RBFOX1: variants seen among roughly 807,000 people sequenced by gnomAD.
The protein encoded by RBFOX1 is RNA binding protein fox-1 homolog 1.
A neutral mutation model predicts 57.7 loss-of-function variants in RBFOX1; 8 were observed. The observed-to-expected ratio is 0.14, with a 90% CI of 0.08 to 0.25. The LOEUF is 0.25. Among genes scored for constraint, RBFOX1 ranks in the 10% least tolerant of loss-of-function variants. The pLI, the probability that RBFOX1 is intolerant of heterozygous loss-of-function variation, is 1.00. For missense variants in RBFOX1, 611 were observed against 548.5 expected, an observed-to-expected ratio of 1.11 and a Z score of -1.14; for synonymous variants, 326 against 222.4, an observed-to-expected ratio of 1.47 and a Z score of -4.15.
At chr16:6,117,913 A>C (rs2096514583) in intron 1 of RBFOX1, among the ~76,000 whole-genome samples, 1 of 152,222 alleles carries the variant, frequency 6.6e-6, no homozygotes. Context: ...TTCTAAACAC[A>C]GTGAAAGCAG....
At chr16:5,354,902 A>T (rs780273643) in intron 1 of RBFOX1, among the ~76,000 whole-genome samples, 6 of 151,940 alleles carry the variant, frequency 3.9e-5, no homozygotes, top group Admixed American at 1.3e-4. Flanking sequence ...CTTCTTGGAG[A>T]GGTCTTATCT....
intron 2 of RBFOX1, among the ~76,000 whole-genome samples, chr16:5,587,618 C>A (rs2046875145): frequency 6.6e-6 from 1 of 152,158 alleles, no homozygotes; most frequent in South Asian, 2.1e-4. Context: ...GAGGCTGAGG[C>A]AGGAGGATCA....
intron 4 of RBFOX1, among the ~76,000 whole-genome samples, chr16:5,906,141 T>C (rs899744524): frequency 3.9e-5 from 6 of 152,142 alleles, no homozygotes; most frequent in Non-Finnish European, 7.3e-5. Flanking sequence ...GCATTAGGGA[T>C]TGAGTCATGC....
chr16:6,242,905 T>C (rs746725598), intron 1 of RBFOX1, among the ~76,000 whole-genome samples: 1 of 152,130 alleles, frequency 6.6e-6, no homozygotes, highest in African/African-American at 2.4e-5. Context: ...TCGTGATATA[T>C]GTGTATACAC....
chr16:5,285,655 C>T (rs112748195), intron 1 of RBFOX1, among the ~76,000 whole-genome samples: 1 of 152,176 alleles, frequency 6.6e-6, no homozygotes, highest in Non-Finnish European at 1.5e-5. Context: ...CATTGGATAT[C>T]ACACTTTGGC....
At chr16:6,647,952 G>T (rs910947937) in intron 2 of RBFOX1, among the ~76,000 whole-genome samples, 2 of 151,976 alleles carry the variant, frequency 1.3e-5, no homozygotes, top group African/African-American at 4.8e-5. Flanking sequence ...AGTGATTCTC[G>T]TGCGTCAGCC....
chr16:6,953,072 C>G (rs998005225), intron 3 of RBFOX1, among the ~76,000 whole-genome samples: 5 of 152,098 alleles, frequency 3.3e-5, no homozygotes, highest in South Asian at 2.1e-4. Context: ...GTGGCGAAAC[C>G]AAGCCACAAA....
chr16:7,070,257 A>C (rs1404038295), intron 4 of RBFOX1, among the ~76,000 whole-genome samples: 1 of 152,182 alleles, frequency 6.6e-6, no homozygotes. Flanking sequence ...TTGCTGCCAC[A>C]TTCCACTCAT....
chr16:5,908,067 T>C (rs1400717050), intron 4 of RBFOX1, among the ~76,000 whole-genome samples: 3 of 107,766 alleles, frequency 2.8e-5, no homozygotes, highest in Non-Finnish European at 5.6e-5. Flanking sequence ...TGTATGTGTG[T>C]ATGTATATAT....
chr16:5,791,171 T>G (rs2054682269), intron 3 of RBFOX1, among the ~76,000 whole-genome samples: 2 of 152,112 alleles, frequency 1.3e-5, no homozygotes, highest in African/African-American at 4.8e-5. Flanking sequence ...CCTGGCTTTT[T>G]TATTTTAATT....
intron 3 of RBFOX1, among the ~76,000 whole-genome samples, chr16:6,818,954 A>G (rs981695711): frequency 2.6e-5 from 4 of 151,526 alleles, no homozygotes; most frequent in African/African-American, 9.7e-5. Context: ...TTTGGTAGCC[A>G]CCTCTCCATG....
intron 3 of RBFOX1, among the ~76,000 whole-genome samples, chr16:5,637,147 T>C (rs2108998): frequency 0.97 from 147,528 of 152,324 alleles, 71,452 homozygotes; most frequent in East Asian, 1. Context: ...TATTTCTACC[T>C]GATATTTTAA....
At chr16:7,285,986 G>A (rs1024489694) in intron 4 of RBFOX1, among the ~76,000 whole-genome samples, 1 of 152,110 alleles carries the variant, frequency 6.6e-6, no homozygotes, top group African/African-American at 2.4e-5. Context: ...AGTTCCATCC[G>A]GGTAAGTAGA....
chr16:6,549,538 G>GGGGAGGAGGAGGAT (rs771475116), intron 2 of RBFOX1, among the ~76,000 whole-genome samples: 4,782 of 124,348 alleles, frequency 0.038, 104 homozygotes, highest in Middle Eastern at 0.063. Context: ...AGGAGGAGGA[G>GGGGAGGAGGAGGAT]GGGAGGAGGA....
intron 2 of RBFOX1, among the ~76,000 whole-genome samples, chr16:5,471,907 G>A (rs966919566): frequency 2.3e-4 from 35 of 152,136 alleles, no homozygotes; most frequent in Non-Finnish European, 4.4e-5. Context: ...CCTCAGCCCC[G>A]CTTCATGCAG....
At chr16:7,383,644 T>G (rs1178316082) in intron 4 of RBFOX1, among the ~76,000 whole-genome samples, 1 of 152,186 alleles carries the variant, frequency 6.6e-6, no homozygotes, top group Non-Finnish European at 1.5e-5. Flanking sequence ...ACCTTCATGA[T>G]AAATTTAAAA....
intron 1 of RBFOX1, among the ~76,000 whole-genome samples, chr16:6,239,796 C>T (rs962091734): frequency 6.6e-6 from 1 of 152,138 alleles, no homozygotes; most frequent in Non-Finnish European, 1.5e-5. Context: ...CATGCCCAGC[C>T]TCCACCTGAC....
intron 4 of RBFOX1, among the ~76,000 whole-genome samples, chr16:7,220,502 T>A (rs778179742): frequency 6.6e-6 from 1 of 152,202 alleles, no homozygotes; most frequent in Non-Finnish European, 1.5e-5. Flanking sequence ...TTGCTGAGAT[T>A]TGATTATGTG....
At chr16:6,678,880 A>G (rs187960619) in intron 3 of RBFOX1, among the ~76,000 whole-genome samples, 105 of 152,260 alleles carry the variant, frequency 6.9e-4, no homozygotes, top group Non-Finnish European at 1.2e-3. Context: ...ATTGTTTCCA[A>G]GTGTAGCATG....
Sources: allele counts gnomAD v4.1 joint callset (sites outside exome capture counted in the v4.1 genomes callset), GRCh38; gene constraint gnomAD v4.1.1; transcripts MANE v1.5; gene names NCBI Gene and HGNC (gene_info 2026-07-23, HGNC 2026-07-21).